Variants in IL1RAPL2 observed in about 807,000 individuals in gnomAD.
IL1RAPL2 encodes interleukin 1 receptor accessory protein like 2.
IL1RAPL2 carries 3 observed loss-of-function variants against 44.1 expected under a neutral mutation model. That is an observed-to-expected ratio of 0.07 (90% CI 0.03 to 0.18). IL1RAPL2 has a LOEUF of 0.18. Among genes scored for constraint, IL1RAPL2 ranks in the 10% least tolerant of loss-of-function variants. IL1RAPL2 has a pLI of 1.00. For missense variants in IL1RAPL2, 391 were observed against 496.4 expected, an observed-to-expected ratio of 0.79 and a Z score of 2.02; for synonymous variants, 181 against 178.8, an observed-to-expected ratio of 1.01 and a Z score of -0.10.
At chrX:104,703,606 A>G (rs1931315653) in intron 2 of IL1RAPL2, among the ~76,000 whole-genome samples, 1 of 112,029 alleles carries the variant, frequency 8.9e-6, no homozygotes, top group Non-Finnish European at 1.9e-5. Context: ...GCTGTGGCCT[A>G]GGTGAAGTTA....
At chrX:105,377,382 GTGTGTGTGTGTGTA>G (rs2035396046) in intron 5 of IL1RAPL2, among the ~76,000 whole-genome samples, 3 of 109,535 alleles carry the variant, frequency 2.7e-5, no homozygotes. Flanking sequence ...GTGTGTGTGT[GTGTGTGTGTGTGTA>G]TGTGTGTGTG....
chrX:104,751,068 C>T (rs1932250208), intron 2 of IL1RAPL2, among the ~76,000 whole-genome samples: 1 of 110,872 alleles, frequency 9.0e-6, no homozygotes, highest in South Asian at 3.8e-4. Flanking sequence ...ATTATGAGCC[C>T]GTAAAACCAA....
At chrX:105,067,780 C>T (rs759170867) in intron 2 of IL1RAPL2, among the ~76,000 whole-genome samples, 98 of 111,918 alleles carry the variant, frequency 8.8e-4, no homozygotes, top group Non-Finnish European at 1.7e-3. Context: ...GAGACACACA[C>T]GCGTGCACAC....
chrX:104,776,417 C>T (rs1283077560), intron 2 of IL1RAPL2, among the ~76,000 whole-genome samples: 1 of 112,078 alleles, frequency 8.9e-6, no homozygotes, highest in Non-Finnish European at 1.9e-5. Context: ...TTGGCTTTGA[C>T]ACTAAGTTAG....
At chrX:104,797,391 G>A (rs1438160772) in intron 2 of IL1RAPL2, among the ~76,000 whole-genome samples, 2 of 110,565 alleles carry the variant, frequency 1.8e-5, no homozygotes, top group African/African-American at 3.3e-5. Flanking sequence ...TATTTTTAAA[G>A]TGTGTTCTGG....
intron 2 of IL1RAPL2, among the ~76,000 whole-genome samples, chrX:104,929,805 C>CT (rs1007681763): frequency 3.6e-5 from 4 of 111,673 alleles, no homozygotes; most frequent in Non-Finnish European, 7.5e-5. Flanking sequence ...GTAAATGTCA[C>CT]TTTTTTCAAG....
At chrX:105,159,128 C>T (rs1397667936) in intron 2 of IL1RAPL2, among the ~76,000 whole-genome samples, 2 of 112,388 alleles carry the variant, frequency 1.8e-5, no homozygotes, top group African/African-American at 6.5e-5. Context: ...ATTTTATTCC[C>T]ATTTTGGAGA....
intron 1 of IL1RAPL2, among the ~76,000 whole-genome samples, chrX:104,601,262 A>G (rs960170323): frequency 8.2e-5 from 9 of 110,140 alleles, no homozygotes; most frequent in African/African-American, 2.3e-4. Flanking sequence ...ATATCTCCTA[A>G]TGCTATCCTC....
intron 6 of IL1RAPL2, among the ~76,000 whole-genome samples, chrX:105,546,676 G>T (rs1388326440): frequency 9.0e-6 from 1 of 111,445 alleles, no homozygotes. Context: ...AAGGAGGAAA[G>T]ACTTTAGTTA....
intron 2 of IL1RAPL2, among the ~76,000 whole-genome samples, chrX:104,688,504 C>T (rs777391723): frequency 2.3e-4 from 26 of 111,577 alleles, no homozygotes; most frequent in African/African-American, 7.8e-4. Flanking sequence ...ACACCCCCAA[C>T]GCTTAATGCA....
chrX:104,862,832 G>A (rs753108761), intron 2 of IL1RAPL2, among the ~76,000 whole-genome samples: 1 of 111,532 alleles, frequency 9.0e-6, no homozygotes, highest in Non-Finnish European at 1.9e-5. Flanking sequence ...AAGAGAAATC[G>A]GTGATGCCAC....
chrX:104,833,323 G>A (rs1336490617), intron 2 of IL1RAPL2, among the ~76,000 whole-genome samples: 1 of 111,354 alleles, frequency 9.0e-6, no homozygotes, highest in Non-Finnish European at 1.9e-5. Context: ...CAATTTTTTT[G>A]TAGAAACGGG....
chrX:105,524,234 G>T (rs757648783), intron 6 of IL1RAPL2, among the ~76,000 whole-genome samples: 60 of 110,929 alleles, frequency 5.4e-4, no homozygotes, highest in Middle Eastern at 4.6e-3. Context: ...TTTAATATTC[G>T]GTCAAGCTGC....
rs746260814 is a variant in IL1RAPL2, at chrX:104,790,645, C to CA, written c.82+131658dup. Among the ~76,000 whole-genome samples, 410 of 108,536 alleles carry CA rather than the reference C, an allele frequency of 3.8e-3. 1 individual carries two copies. The highest frequency in any genetic ancestry group is 0.013 in the African/African-American group (390 of 29,714). 94.3% of individuals were successfully genotyped at this position (108,536 alleles called of 115,157 possible). A position where few individuals can be genotyped will look rare whatever the true frequency, so the allele number is the denominator to read the frequency against. On this transcript the variant is annotated intron_variant, in intron 2 of 10. Coordinates refer to ENST00000372582, the MANE Select transcript of IL1RAPL2 (RefSeq NM_017416.2). ...ATTATAAAAGTAATATGTGTTCACTCAAAAAAAACCTTCAAGCAGTACAGA... is the reference window on the plus strand; with the variant it reads ...ATTATAAAAGTAATATGTGTTCACTCAAAAAAAAACCTTCAAGCAGTACAGA...
intron 8 of IL1RAPL2, among the ~76,000 whole-genome samples, chrX:105,742,886 C>G (rs1319521368): frequency 1.8e-5 from 2 of 111,658 alleles, no homozygotes; most frequent in Non-Finnish European, 3.8e-5. Flanking sequence ...ACCTGATCCT[C>G]CAGTCCCCTT....
At chrX:104,661,335 CTTTTA>C (rs998286587) in intron 2 of IL1RAPL2, among the ~76,000 whole-genome samples, 1 of 111,361 alleles carries the variant, frequency 9.0e-6, no homozygotes, top group Non-Finnish European at 1.9e-5. Flanking sequence ...ACAGCTGGTT[CTTTTA>C]TTTTATGCCT....
At chrX:104,584,579 G>A (rs1371723048) in intron 1 of IL1RAPL2, among the ~76,000 whole-genome samples, 1 of 110,878 alleles carries the variant, frequency 9.0e-6, no homozygotes, top group Non-Finnish European at 1.9e-5. Context: ...AGACCCAGGA[G>A]GGAGATCTCA....
chrX:105,379,742 G>A (rs1780959212), intron 5 of IL1RAPL2, among the ~76,000 whole-genome samples: 1 of 111,695 alleles, frequency 9.0e-6, no homozygotes, highest in Admixed American at 9.5e-5. Context: ...TGAGATGGCT[G>A]TAAGATTAAA....
At chrX:104,689,679 A>G (rs1273105428) in intron 2 of IL1RAPL2, among the ~76,000 whole-genome samples, 2 of 111,564 alleles carry the variant, frequency 1.8e-5, no homozygotes, top group African/African-American at 6.5e-5. Flanking sequence ...GATATGCTAA[A>G]GAGTCATCAA....
Sources: gnomAD v4.1 joint callset for allele counts (sites outside exome capture counted in the v4.1 genomes callset) on GRCh38, gnomAD v4.1.1 for gene constraint, MANE v1.5 for transcripts, NCBI Gene and HGNC (gene_info 2026-07-23, HGNC 2026-07-21) for gene names.